HEATR5B: variants seen among roughly 807,000 people sequenced by gnomAD.
The protein encoded by HEATR5B is HEAT repeat containing 5B.
A neutral mutation model predicts 224.1 loss-of-function variants in HEATR5B; 156 were observed. The observed-to-expected ratio is 0.70, with a 90% confidence interval of 0.61 to 0.80. The LOEUF (loss-of-function observed/expected upper bound fraction) is 0.80. Among genes scored for constraint, HEATR5B ranks in the 30% least tolerant of loss-of-function variants. HEATR5B has a pLI of 0.00. For synonymous variants in HEATR5B, 1,027 were observed against 893.0 expected (o/e 1.15, Z -2.68); for missense variants, 2,323 against 2,535.5 (o/e 0.92, Z 1.80).
At chr2:37,063,940 T>C (rs1437150409) in intron 10 of HEATR5B, among the ~76,000 whole-genome samples, 2 of 152,146 alleles carry the variant, frequency 1.3e-5, no homozygotes, top group African/African-American at 2.4e-5. Context: ...GCCTCCCAAG[T>C]AGCTGGGATT....
At chr2:37,043,234 G>A (rs1332826236) in intron 18 of HEATR5B, among the ~76,000 whole-genome samples, 1 of 152,184 alleles carries the variant, frequency 6.6e-6, no homozygotes, top group African/African-American at 2.4e-5. Context: ...TGTAACAGGA[G>A]ATGGAACATG....
In HEATR5B at chr2:37,007,049, C is replaced by T; in HGVS notation, c.4777+1G>A. On this transcript the variant is annotated splice_donor_variant, in intron 29 of 35. Coordinates refer to ENST00000233099, the MANE Select transcript of HEATR5B (RefSeq NM_019024.3). LOFTEE classifies it high-confidence loss of function. ...GAAATATATTAATATGACAGACCTA[C>T]CTAAAATCAGATGCATTCTGTCTTT... The T allele has an allele frequency of 6.2e-7, 1 of 1,613,470 alleles. No individual in the cohort carries two copies. Among genetic ancestry groups the T allele is most frequent in the Non-Finnish European group, 8.5e-7 (1 of 1,179,442 alleles).
chr2:36,984,215 A>AAAAAAAAAAAAAAAAAAAAATATATAT, intron 35 of HEATR5B, among the ~76,000 whole-genome samples: 3 of 77,640 alleles, frequency 3.9e-5, no homozygotes, highest in African/African-American at 5.9e-5. Flanking sequence ...AAAAAAAAAA[A>AAAAAAAAAAAAAAAAAAAAATATATAT]ATATATATAT....
Position 36,981,543 on chromosome 2 carries a change from C to T in HEATR5B, c.6163G>A (p.Ala2055Thr). ...GTTGGTGCAGAATGTATGGCGGGGG[C>T]TGGTTGTCTGGCAGCCGCTTTAGCT... ...SKAKAAARQP[A>T]PAIHSAPTIK... The change falls in exon 36 of 36, where the codon GCC becomes ACC. Residue 2055 changes from alanine to threonine, a missense_variant. By Grantham distance (58) the Ala-to-Thr change is moderately conservative. Transcript: ENST00000233099. 1 of 1,613,678 alleles carries T rather than the reference C, an allele frequency of 6.2e-7. No individual in the cohort carries two copies. The highest frequency in any genetic ancestry group is 8.5e-7 in the Non-Finnish European group (1 of 1,179,712).
chr2:37,049,333 G>A (rs371009317), intron 18 of HEATR5B, among the ~76,000 whole-genome samples: 1 of 152,180 alleles, frequency 6.6e-6, no homozygotes, highest in African/African-American at 2.4e-5. Flanking sequence ...GGAGGGAGGA[G>A]AGAAAATGAC....
At chr2:37,006,014 A>C (rs1322028885) in intron 29 of HEATR5B, among the ~76,000 whole-genome samples, 1 of 152,226 alleles carries the variant, frequency 6.6e-6, no homozygotes, top group African/African-American at 2.4e-5. Flanking sequence ...TTGATTATGA[A>C]GATATTAAGT....
At chr2:36,994,909 C>A (rs1316669083) in intron 33 of HEATR5B, among the ~76,000 whole-genome samples, 1 of 151,596 alleles carries the variant, frequency 6.6e-6, no homozygotes, top group African/African-American at 2.4e-5. Flanking sequence ...TGCCACCACG[C>A]CTGGCTAATT....
chr2:36,988,584 A>T, intron 35 of HEATR5B, 62 bp downstream of exon 35: 1 of 1,390,350 alleles, frequency 7.2e-7, no homozygotes, highest in Non-Finnish European at 1.0e-6. Flanking sequence ...ATATCAAATA[A>T]GATTTATATA....
rs746744294 is a variant in HEATR5B, at chr2:37,000,727, G to T, written c.5404C>A (p.Pro1802Thr). The T allele has an allele frequency of 5.6e-6, 9 of 1,614,044 alleles. No homozygotes were observed. The highest frequency in any genetic ancestry group is 1.6e-4 in the Middle Eastern group (1 of 6,062). ...TGAAGAGCTGCACTGACTGGTGGAG[G>T]AACCTGATTATCTGCAGACTTTATT... Reference protein sequence around the residue: ...TAIKSADNQVPPPVSAALQGI... With the variant: ...TAIKSADNQVTPPVSAALQGI... Residue 1802 changes from proline to threonine, a missense_variant, in exon 33 of 36, where the codon CCT (proline) becomes ACT (threonine). Around this residue, in one of 12 missense-constraint regions of HEATR5B, gnomAD observed 844 missense variants for 812.9 expected, o/e 1.04. Coordinates refer to ENST00000233099, the MANE Select transcript of HEATR5B (RefSeq NM_019024.3).
At chr2:36,998,328 T>C (rs4255943) in intron 33 of HEATR5B, among the ~76,000 whole-genome samples, 82,765 of 152,038 alleles carry the variant, frequency 0.54, 22,743 homozygotes, top group East Asian at 0.67. Flanking sequence ...AGAAAATGAG[T>C]AATGCAAATT....
intron 6 of HEATR5B, 125 bp downstream of exon 6, chr2:37,071,985 G>T: frequency 1.4e-6 from 1 of 739,214 alleles, no homozygotes; most frequent in Non-Finnish European, 2.1e-6. Flanking sequence ...CGCCCAGCCA[G>T]GTTCTTTCAT....
chr2:37,040,423 C>T lies in HEATR5B; in HGVS notation c.2952G>A (p.Leu984=), dbSNP rs755968195. ...VEPTLSLVLT[L]LLTVPPSHTE... ...TATGTGAAGGCGGAACTGTCAACAG[C>T]AAGGTAAGAACTAGAGATAATGTTG... The change falls in exon 20 of 36, where the codon TTG becomes TTA. Residue 984 remains leucine (L), a synonymous_variant. Coordinates refer to ENST00000233099, the MANE Select transcript of HEATR5B (RefSeq NM_019024.3). 6.2e-7 allele frequency: 1 copy of T among 1,613,950 alleles called. No individual in the cohort carries two copies. The highest frequency in any genetic ancestry group is 2.2e-5 in the East Asian group (1 of 44,856).
At chr2:37,007,387 A>C (rs1328910334) in intron 28 of HEATR5B, 83 bp from the exon 29 acceptor site, 4 of 1,377,058 alleles carry the variant, frequency 2.9e-6, no homozygotes, top group Non-Finnish European at 3.8e-6. Flanking sequence ...TCTGTCGCCC[A>C]GGCTGGAGTG....
chr2:37,010,524 T>A (rs1329287646), intron 27 of HEATR5B, among the ~76,000 whole-genome samples: 2 of 107,058 alleles, frequency 1.9e-5, no homozygotes, highest in South Asian at 3.8e-4. Context: ...ACACTGTTTT[T>A]TTTTTTGAGA....
Position 36,991,729 on chromosome 2 carries a change from C to T in HEATR5B, c.5546-930G>A, listed in dbSNP as rs1351476577. Among the ~76,000 whole-genome samples, 4 of 152,004 alleles carry T rather than the reference C, an allele frequency of 2.6e-5. No individual in the cohort carries two copies. The East Asian group carries it at 7.7e-4, about 29-fold the overall frequency. The stretch of plus-strand genomic sequence containing the variant: ...TATCATTTCTTCAATAAAACTGATC[C>T]CTATCTTTTGTGTAAATTTGACCTA... On this transcript the variant is annotated intron_variant, in intron 33 of 35. Transcript: ENST00000233099.
At position 37,064,815 on chromosome 2, in the gene HEATR5B, T is replaced by G; in HGVS notation, c.1509A>C (p.Gly503=). The change falls in exon 10 of 36, where the codon GGA becomes GGC. Residue 503 remains glycine, a synonymous_variant. Transcript: ENST00000233099. ...NLKTSPEAVS[G]YSFAMAALLG... is the part of the protein sequence containing the mutation. The stretch of plus-strand genomic sequence containing the variant: ...ACAAAGCAGCCATTGCAAAACTATA[T>G]CCACTGACAGCTTCTGGTGAGGTCT... 6.2e-7 allele frequency: 1 copy of G among 1,614,024 alleles called. No homozygotes were observed. The highest frequency in any genetic ancestry group is 8.5e-7 in the Non-Finnish European group (1 of 1,179,992).
At chr2:37,064,115 T>C (rs904934612) in intron 10 of HEATR5B, among the ~76,000 whole-genome samples, 1 of 152,040 alleles carries the variant, frequency 6.6e-6, no homozygotes, top group Non-Finnish European at 1.5e-5. Flanking sequence ...TGCCCGGCCA[T>C]GATTTATTAA....
rs1420374239 is a variant in HEATR5B, at chr2:37,070,384, A to G, written c.773T>C (p.Met258Thr). 1.2e-6 allele frequency: 2 copies of G among 1,611,656 alleles called. No homozygotes were observed. The highest frequency in any genetic ancestry group is 1.7e-6 in the Non-Finnish European group (2 of 1,178,518). The change falls in exon 7 of 36, where the codon ATG becomes ACG. Residue 258 changes from methionine (M) to threonine (T), a missense_variant. Around this residue, in one of 12 missense-constraint regions of HEATR5B, gnomAD observed 292 missense variants for 332.6 expected, o/e 0.88. Coordinates refer to ENST00000233099, the MANE Select transcript of HEATR5B (RefSeq NM_019024.3). ...TGTTGCTCGCTTCACATTCTGACGC[A>G]TTACTTTCAAGAAGAAAAATTAAAG... The part of the protein sequence containing the change: ...TALMPKQATV[M>T]RQNVKRATFD...
intron 18 of HEATR5B, among the ~76,000 whole-genome samples, chr2:37,042,201 A>G (rs1012319794): frequency 5.9e-5 from 9 of 152,344 alleles, no homozygotes; most frequent in East Asian, 1.9e-4. Context: ...ATGAGTTTTG[A>G]TAAGTATACA....
Sources: gnomAD v4.1 joint callset for allele counts (sites outside exome capture counted in the v4.1 genomes callset) on GRCh38, gnomAD v4.1.1 for gene constraint, gnomAD v4.1.1 regional missense constraint, MANE v1.5 for transcripts, NCBI Gene and HGNC (gene_info 2026-07-23, HGNC 2026-07-21) for gene names.